Variants in PLEKHS1 observed in about 807,000 individuals in gnomAD.
The protein encoded by PLEKHS1 is pleckstrin homology domain containing S1.
PLEKHS1 carries 55 observed loss-of-function variants against 51.0 expected under a neutral mutation model. That is an observed-to-expected ratio of 1.08 (90% confidence interval 0.87 to 1.35). The LOEUF (loss-of-function observed/expected upper bound fraction) is 1.35. Ranked by LOEUF, PLEKHS1 falls within the 40% of genes most tolerant of loss-of-function variation. The probability of loss-of-function intolerance (pLI) is 0.00; values close to 1 mark genes in which losing one functional copy is unlikely to be tolerated. For missense variants in PLEKHS1, 398 were observed against 423.0 expected (o/e 0.94, Z 0.52); for synonymous variants, 153 against 144.8 (o/e 1.06, Z -0.41).
chr10:113,758,888 GT>G (rs1158549600), intron 2 of PLEKHS1, among the ~76,000 whole-genome samples: 2 of 152,096 alleles, frequency 1.3e-5, no homozygotes, highest in Non-Finnish European at 2.9e-5. Flanking sequence ...TGATGAAAAT[GT>G]TTGAGATATT....
downstream of PLEKHS1, chr10:113,783,387 T>A (rs1400705648): frequency 6.6e-6 from 1 of 152,226 alleles, no homozygotes; most frequent in Non-Finnish European, 1.5e-5. Context: ...AAGGATAACA[T>A]CATCCCACTT....
chr10:113,772,371 G>A (rs1311952614), intron 8 of PLEKHS1, among the ~76,000 whole-genome samples: 2 of 152,168 alleles, frequency 1.3e-5, no homozygotes, highest in Non-Finnish European at 2.9e-5. Flanking sequence ...TTTCAGGGAC[G>A]AGATGACATT....
intron 7 of PLEKHS1, 111 bp from the exon 8 acceptor site, chr10:113,771,859 C>T: frequency 7.8e-7 from 1 of 1,277,082 alleles, no homozygotes; most frequent in Non-Finnish European, 1.1e-6. Flanking sequence ...CTTGGAAGAC[C>T]CTCTGGTCTT....
intron 2 of PLEKHS1, among the ~76,000 whole-genome samples, chr10:113,759,826 C>T (rs917831280): frequency 2.6e-5 from 4 of 152,110 alleles, no homozygotes; most frequent in Admixed American, 2.0e-4. Context: ...AGTATGCTTA[C>T]TTTTCATTCA....
rs2900992 is a variant in PLEKHS1 at position 113,765,285 on chromosome 10, A to G, written c.29-1126A>G. The stretch of plus-strand genomic sequence containing the variant: ...GGTTTGGAGCAGTGCTCAGTGTAGA[A>G]CTAGTAATTAGTGTAGAGCTAATTA... On this transcript the variant is annotated intron_variant, in intron 2 of 11. Transcript: ENST00000361048. The G allele has an allele frequency of 1.0e-3, 797 of 763,654 alleles. 7 individuals carry two copies. In the African/African-American group the frequency reaches 0.012, roughly 12 times the overall value. 47.3% of individuals were successfully genotyped at this position (763,654 alleles called of 1,614,324 possible). A position where few individuals can be genotyped will look rare whatever the true frequency, so the allele number is the denominator to read the frequency against.
Position 113,755,314 on chromosome 10 carries a change from G to C in PLEKHS1, c.28+9G>C. Reference sequence around the variant, plus strand: ...ACCTCAGAAGAGTCCAGGTACCCGAGGGGTATAATCGCAGAAGCAGAAATC... The same window carrying C: ...ACCTCAGAAGAGTCCAGGTACCCGACGGGTATAATCGCAGAAGCAGAAATC... On this transcript the variant is annotated intron_variant, in intron 2 of 11. Coordinates refer to ENST00000361048, the Ensembl canonical transcript of PLEKHS1. 3 of 1,606,468 alleles carry C rather than the reference G, an allele frequency of 1.9e-6. No individual in the cohort carries two copies. Among genetic ancestry groups the C allele is most frequent in the Non-Finnish European group, 2.5e-6 (3 of 1,177,098 alleles).
chr10:113,772,807 T>C (rs1844473190), intron 8 of PLEKHS1, among the ~76,000 whole-genome samples: 1 of 152,136 alleles, frequency 6.6e-6, no homozygotes, highest in Non-Finnish European at 1.5e-5. Flanking sequence ...GTGAAAGGCA[T>C]AGTGGGAGAT....
chr10:113,764,252 C>A (rs1052738333), intron 2 of PLEKHS1, among the ~76,000 whole-genome samples: 15 of 152,100 alleles, frequency 9.9e-5, no homozygotes, highest in African/African-American at 3.4e-4. Context: ...AGGCTTGCAC[C>A]ACCATGCCCG....
Position 113,756,161 on chromosome 10 carries a change from A to T in PLEKHS1, c.28+856A>T, listed in dbSNP as rs565951424. On this transcript the variant is annotated intron_variant, in intron 2 of 11. Transcript: ENST00000361048. ...AGTGAGTCTTTGTGCTTTATGTTGCAGGGGATATACAGATTAATAAATAAG... is the reference window on the plus strand; with the variant it reads ...AGTGAGTCTTTGTGCTTTATGTTGCTGGGGATATACAGATTAATAAATAAG... 2.0e-5 allele frequency among the ~76,000 whole-genome samples: 3 copies of T among 152,294 alleles called. No individual in the cohort carries two copies. In the South Asian group the frequency reaches 6.2e-4, roughly 32 times the overall value.
chr10:113,765,752 G>T (rs1250567734), intron 2 of PLEKHS1, among the ~76,000 whole-genome samples: 1 of 152,094 alleles, frequency 6.6e-6, no homozygotes, highest in Non-Finnish European at 1.5e-5. Flanking sequence ...TTCATTTTGG[G>T]TTTGTTTTTG....
chr10:113,770,243 A>G (rs1844346033), intron 7 of PLEKHS1, among the ~76,000 whole-genome samples: 1 of 152,164 alleles, frequency 6.6e-6, no homozygotes, highest in Non-Finnish European at 1.5e-5. Flanking sequence ...TTTCCCAGAC[A>G]CTACCTGATT....
At chr10:113,775,820 G>C (rs1443594627) in exon 11 of PLEKHS1, 4 of 1,613,000 alleles carry the variant, frequency 2.5e-6, no homozygotes, top group East Asian at 4.5e-5. Flanking sequence ...TTCTCCTCCT[G>C]ATGTCATCAA....
intron 7 of PLEKHS1, among the ~76,000 whole-genome samples, chr10:113,770,893 T>G (rs753305661): frequency 5.3e-5 from 8 of 152,228 alleles, no homozygotes; most frequent in Non-Finnish European, 7.3e-5. Context: ...CTGGGTGGTG[T>G]TGTTGTTGGT....
intron 8 of PLEKHS1, among the ~76,000 whole-genome samples, chr10:113,773,149 G>C (rs1187070235): frequency 6.6e-6 from 1 of 152,164 alleles, no homozygotes; most frequent in African/African-American, 2.4e-5. Flanking sequence ...AGTTAAACAA[G>C]CTTCTTAGCA....
At chr10:113,757,776 T>C (rs1247536523) in intron 2 of PLEKHS1, among the ~76,000 whole-genome samples, 1 of 152,248 alleles carries the variant, frequency 6.6e-6, no homozygotes, top group Non-Finnish European at 1.5e-5. Context: ...AAAATTGAAA[T>C]CAATCCTCTC....
intron 11 of PLEKHS1, among the ~76,000 whole-genome samples, chr10:113,779,744 T>C (rs550370491): frequency 2.0e-4 from 30 of 152,324 alleles, no homozygotes; most frequent in Admixed American, 1.8e-3. Flanking sequence ...TGGGTGTTGC[T>C]GACTGCAGTT....
chr10:113,757,646 A>G (rs1258326111), intron 2 of PLEKHS1, among the ~76,000 whole-genome samples: 1 of 152,200 alleles, frequency 6.6e-6, no homozygotes, highest in Non-Finnish European at 1.5e-5. Context: ...GGCTGTGGCA[A>G]TTTCTTAAAA....
exon 9 of PLEKHS1, chr10:113,774,296 G>A (rs754804341): frequency 2.5e-6 from 4 of 1,588,720 alleles, no homozygotes; most frequent in South Asian, 1.2e-5. Flanking sequence ...CCAGGTCTCT[G>A]GAAGAATTGA....
intron 2 of PLEKHS1, chr10:113,765,042 G>C (rs1390437551): frequency 6.0e-5 from 14 of 232,102 alleles, no homozygotes; most frequent in Non-Finnish European, 5.9e-5. Context: ...GTCAGTTCTA[G>C]GCCTGTTTTG....
Sources: allele counts gnomAD v4.1 joint callset (sites outside exome capture counted in the v4.1 genomes callset), GRCh38; gene constraint gnomAD v4.1.1; transcripts MANE v1.5; gene names NCBI Gene and HGNC (gene_info 2026-07-23, HGNC 2026-07-21).